STXBP6: variants seen among roughly 807,000 people sequenced by gnomAD.
The protein encoded by STXBP6 is syntaxin-binding protein 6.
In STXBP6, 21 loss-of-function variants were observed where a neutral mutation model predicts 26.9. The observed-to-expected ratio is 0.78, with a 90% CI of 0.55 to 1.12. The LOEUF is 1.12. Among genes scored for constraint, STXBP6 ranks in the 50% most tolerant of loss-of-function variants. The probability of loss-of-function intolerance (pLI) is 0.00; values close to 1 mark genes in which losing one functional copy is unlikely to be tolerated. For missense variants in STXBP6, 232 were observed against 257.9 expected, an observed-to-expected ratio of 0.90 and a Z score of 0.69; for synonymous variants, 97 against 92.6, an observed-to-expected ratio of 1.05 and a Z score of -0.27.
At chr14:24,821,526 C>T (rs2068134435) in intron 4 of STXBP6, among the ~76,000 whole-genome samples, 1 of 152,186 alleles carries the variant, frequency 6.6e-6, no homozygotes, top group Admixed American at 6.5e-5. Flanking sequence ...CTGACTACTG[C>T]CAATAGGAAA....
intron 1 of STXBP6, among the ~76,000 whole-genome samples, chr14:25,041,736 G>C (rs1424689265): frequency 6.6e-6 from 1 of 152,210 alleles, no homozygotes; most frequent in Non-Finnish European, 1.5e-5. Context: ...CTACCTTCCA[G>C]AAGCGCAGTG....
chr14:24,851,632 CGTATAACA>C (rs1188491431), intron 4 of STXBP6, among the ~76,000 whole-genome samples: 2 of 152,020 alleles, frequency 1.3e-5, no homozygotes, highest in African/African-American at 4.8e-5. Flanking sequence ...TGTCATCACA[CGTATAACA>C]GTATAACATC....
At chr14:24,922,739 G>A (rs1359585835) in intron 2 of STXBP6, among the ~76,000 whole-genome samples, 7 of 151,964 alleles carry the variant, frequency 4.6e-5, no homozygotes, top group Admixed American at 3.3e-4. Context: ...ACATAGATGA[G>A]GGAAACCTTA....
At chr14:24,972,106 GCCCC>G (rs2073922750) in intron 2 of STXBP6, among the ~76,000 whole-genome samples, 1 of 152,094 alleles carries the variant, frequency 6.6e-6, no homozygotes, top group Non-Finnish European at 1.5e-5. Context: ...CCCTTCTCCT[GCCCC>G]CATTTCCACT....
intron 1 of STXBP6, among the ~76,000 whole-genome samples, chr14:25,000,892 A>C (rs1391455835): frequency 6.6e-6 from 1 of 151,860 alleles, no homozygotes; most frequent in Admixed American, 6.6e-5. Flanking sequence ...ATTTTACTAC[A>C]GCTGTCCATA....
chr14:25,008,786 T>C (rs923810874), intron 1 of STXBP6, among the ~76,000 whole-genome samples: 8 of 152,222 alleles, frequency 5.3e-5, no homozygotes, highest in African/African-American at 1.7e-4. Flanking sequence ...TTTATACCTA[T>C]AGAATATTTT....
At chr14:24,904,891 T>C (rs2071335293) in intron 2 of STXBP6, among the ~76,000 whole-genome samples, 1 of 151,650 alleles carries the variant, frequency 6.6e-6, no homozygotes. Flanking sequence ...TCTATTTGAT[T>C]AGAGAAAATT....
intron 1 of STXBP6, among the ~76,000 whole-genome samples, chr14:25,018,837 G>A (rs912294306): frequency 2.0e-5 from 3 of 152,110 alleles, no homozygotes; most frequent in African/African-American, 7.2e-5. Flanking sequence ...AACCACCCAG[G>A]CCCAATAAGA....
At chr14:24,990,101 T>G (rs2074427750) in intron 1 of STXBP6, among the ~76,000 whole-genome samples, 1 of 152,172 alleles carries the variant, frequency 6.6e-6, no homozygotes, top group South Asian at 2.1e-4. Context: ...AATATGTGGT[T>G]TTACCTATAA....
intron 2 of STXBP6, among the ~76,000 whole-genome samples, chr14:24,897,584 G>A (rs1213519085): frequency 6.6e-6 from 1 of 152,104 alleles, no homozygotes; most frequent in Non-Finnish European, 1.5e-5. Context: ...CCCACCTGGA[G>A]ATGTTACATA....
chr14:24,918,970 GA>G (rs1263486704), intron 2 of STXBP6, among the ~76,000 whole-genome samples: 2 of 152,060 alleles, frequency 1.3e-5, no homozygotes, highest in Non-Finnish European at 2.9e-5. Context: ...CAGAAGAAAC[GA>G]AAGCAGGTGC....
chr14:24,857,207 G>A, intron 2 of STXBP6, 50 bp from the exon 3 acceptor site: 1 of 1,609,700 alleles, frequency 6.2e-7, no homozygotes, highest in East Asian at 2.2e-5. Context: ...TTGGTGGTTT[G>A]TTTCCACATT....
intron 2 of STXBP6, 147 bp downstream of exon 2, chr14:24,974,517 TA>T: frequency 1.6e-6 from 1 of 616,894 alleles, no homozygotes; most frequent in Non-Finnish European, 2.6e-6. Flanking sequence ...GTGTCACCAG[TA>T]AAGAGGAAGA....
chr14:24,992,507 C>G (rs1253032037), intron 1 of STXBP6, among the ~76,000 whole-genome samples: 1 of 152,128 alleles, frequency 6.6e-6, no homozygotes, highest in African/African-American at 2.4e-5. Flanking sequence ...TATAAAGGAC[C>G]ACTTAGTAAA....
intron 2 of STXBP6, among the ~76,000 whole-genome samples, chr14:24,942,134 A>T (rs2072826820): frequency 6.6e-6 from 1 of 152,254 alleles, no homozygotes; most frequent in South Asian, 2.1e-4. Context: ...ATGGAATTTG[A>T]CAAAATTCCT....
intron 2 of STXBP6, among the ~76,000 whole-genome samples, chr14:24,866,246 G>A (rs1283372087): frequency 1.3e-5 from 2 of 152,008 alleles, no homozygotes; most frequent in Non-Finnish European, 2.9e-5. Flanking sequence ...TGCAATACTG[G>A]CTCCTTCTTG....
chr14:24,821,408 C>T (rs949210277), intron 4 of STXBP6, among the ~76,000 whole-genome samples: 3 of 152,284 alleles, frequency 2.0e-5, no homozygotes, highest in East Asian at 3.9e-4. Context: ...TAAGCTTGCA[C>T]GTGATGTCAG....
intron 1 of STXBP6, among the ~76,000 whole-genome samples, chr14:25,017,720 T>C (rs1441224158): frequency 6.6e-6 from 1 of 152,206 alleles, no homozygotes; most frequent in African/African-American, 2.4e-5. Flanking sequence ...TCAAGAGAGT[T>C]TTCTTCCAAC....
chr14:24,850,181 T>A lies in STXBP6; in HGVS notation c.451+5755A>T, dbSNP rs565018288. On this transcript the variant is annotated intron_variant, in intron 4 of 5. Coordinates refer to ENST00000323944, the MANE Select transcript of STXBP6 (RefSeq NM_001394410.1). ...CTCACCTAGGGATGACTTTGTATTGTTTGGAAGAAAAGAACAAACAAAGTC... is the reference window on the plus strand; with the variant it reads ...CTCACCTAGGGATGACTTTGTATTGATTGGAAGAAAAGAACAAACAAAGTC... Among the ~76,000 whole-genome samples, 11 of 152,206 alleles carry A rather than the reference T, an allele frequency of 7.2e-5. No homozygotes were observed. The South Asian group carries it at 2.3e-3, about 32-fold the overall frequency.
Sources: allele counts gnomAD v4.1 joint callset (sites outside exome capture counted in the v4.1 genomes callset), GRCh38; gene constraint gnomAD v4.1.1; transcripts MANE v1.5; gene names NCBI Gene and HGNC (gene_info 2026-07-23, HGNC 2026-07-21).